The following FREM1 variants were observed in gnomAD, a reference collection of about 807,000 sequenced individuals.
FREM1 encodes FRAS1 related extracellular matrix 1.
FREM1 carries 220 observed loss-of-function variants against 210.1 expected under a neutral mutation model. The ratio of observed to expected loss-of-function variants is 1.05; its 90% CI spans 0.94 to 1.17. The LOEUF (loss-of-function observed/expected upper bound fraction) is 1.17, where lower values mean the gene tolerates loss of function less well. Among genes scored for constraint, FREM1 ranks in the 50% most tolerant of loss-of-function variants. The probability of loss-of-function intolerance (pLI) is 0.00; values close to 1 mark genes in which losing one functional copy is unlikely to be tolerated. For synonymous variants in FREM1, 1,189 were observed against 980.2 expected, an observed-to-expected ratio of 1.21 and a Z score of -3.98; for missense variants, 3,454 against 2,675.5, an observed-to-expected ratio of 1.29 and a Z score of -6.42.
intron 10 of FREM1, among the ~76,000 whole-genome samples, chr9:14,835,930 T>C (rs2818935): frequency 0.59 from 89,989 of 152,126 alleles, 26,963 homozygotes; most frequent in East Asian, 0.82. Flanking sequence ...AGACGAACCC[T>C]GCTTATTCCT....
At chr9:14,787,873 T>A (rs1850658205) in intron 23 of FREM1, among the ~76,000 whole-genome samples, 2 of 152,194 alleles carry the variant, frequency 1.3e-5, no homozygotes, top group South Asian at 4.1e-4. Flanking sequence ...ACATCTAGCT[T>A]ATCTGAAATC....
intron 18 of FREM1, among the ~76,000 whole-genome samples, chr9:14,805,530 C>T (rs749327324): frequency 8.5e-5 from 13 of 152,144 alleles, no homozygotes; most frequent in Non-Finnish European, 1.3e-4. Flanking sequence ...ACCTCCGTCA[C>T]GTAAACGCAA....
chr9:14,777,022 C>T (rs1226895810), intron 24 of FREM1, among the ~76,000 whole-genome samples: 2 of 152,186 alleles, frequency 1.3e-5, no homozygotes, highest in East Asian at 3.9e-4. Context: ...GAAGCTGAGA[C>T]TAGAATGCAG....
rs1355143821 is a variant in FREM1 at position 14,859,483 on chromosome 9, A to C, written c.331T>G (p.Phe111Val). The change falls in exon 4 of 37, where the codon TTT becomes GTT. Residue 111 changes from phenylalanine to valine, a missense_variant and splice_region_variant. Phe to Val is a conservative substitution (Grantham distance 50). Transcript: ENST00000380880. The stretch of plus-strand genomic sequence containing the variant: ...TCTATGAAGGTATCTCTTTCAGTAA[A>C]TCTGTGGAGAACACAGGGCAAAAGC... ...EDTVKLRLYR[F>V]TERDTFIETF... The C allele has an allele frequency of 3.7e-6, 6 of 1,610,332 alleles. No individual in the cohort carries two copies. The South Asian group carries it at 4.4e-5, about 12-fold the overall frequency.
chr9:14,785,692 G>C (rs970561171), intron 23 of FREM1, among the ~76,000 whole-genome samples: 2 of 5,910 alleles, frequency 3.4e-4, no homozygotes, highest in Admixed American at 3.8e-3. Flanking sequence ...GTCATGAAAA[G>C]ATATCCACTT....
chr9:14,740,862 GCTAA>G (rs879658314), intron 35 of FREM1, among the ~76,000 whole-genome samples: 7 of 152,004 alleles, frequency 4.6e-5, no homozygotes, highest in South Asian at 2.1e-4. Context: ...TATTTTTGCA[GCTAA>G]CTGAGTTATT....
chr9:14,843,128 G>A (rs1432867568), intron 8 of FREM1, among the ~76,000 whole-genome samples: 1 of 152,194 alleles, frequency 6.6e-6, no homozygotes, highest in African/African-American at 2.4e-5. Flanking sequence ...AAAAGGAAGA[G>A]GAAAGGGGAA....
chr9:14,759,986 C>T (rs546493572), intron 27 of FREM1, 85 bp from the exon 28 acceptor site: 8 of 1,135,684 alleles, frequency 7.0e-6, no homozygotes, highest in South Asian at 2.0e-5. Context: ...AGTGGAAAAA[C>T]GTGGTTGATC....
At position 14,824,605 on chromosome 9, in the gene FREM1, A is replaced by T. The variant is rs1212570233; in HGVS notation, c.2078+191T>A. ...CACTACAAGCTGCAGATCACTTACC[A>T]ACTAATACAGCTTTCAAAGGGAGAT... On this transcript the variant is annotated intron_variant, in intron 11 of 36. Coordinates refer to ENST00000380880, the MANE Select transcript of FREM1 (RefSeq NM_001379081.2). Among the ~76,000 whole-genome samples the T allele has an allele frequency of 5.9e-5, 9 of 152,212 alleles. No homozygotes were observed. In the East Asian group the frequency reaches 1.7e-3, roughly 29 times the overall value.
At chr9:14,877,835 C>T (rs114054690) in intron 1 of FREM1, among the ~76,000 whole-genome samples, 5 of 152,090 alleles carry the variant, frequency 3.3e-5, no homozygotes, top group Non-Finnish European at 7.4e-5. Flanking sequence ...ATAATCTGAC[C>T]CCAGACCAAG....
intron 8 of FREM1, among the ~76,000 whole-genome samples, chr9:14,844,903 C>T (rs1329534411): frequency 3.9e-5 from 6 of 152,200 alleles, no homozygotes; most frequent in Non-Finnish European, 5.9e-5. Context: ...TTTCAAGCCA[C>T]TACACTTGGA....
At chr9:14,831,359 T>C (rs1164980401) in intron 10 of FREM1, among the ~76,000 whole-genome samples, 1 of 152,254 alleles carries the variant, frequency 6.6e-6, no homozygotes, top group East Asian at 1.9e-4. Flanking sequence ...ATACCACTTC[T>C]CTGGCGAGCA....
chr9:14,887,697 G>T (rs891274487), intron 1 of FREM1, among the ~76,000 whole-genome samples: 6 of 151,744 alleles, frequency 4.0e-5, no homozygotes, highest in Non-Finnish European at 7.4e-5. Context: ...TTTCTACTTT[G>T]CTTATTAATG....
At chr9:14,900,275 G>A (rs148658572) in intron 1 of FREM1, among the ~76,000 whole-genome samples, 57 of 152,296 alleles carry the variant, frequency 3.7e-4, no homozygotes, top group African/African-American at 1.2e-3. Context: ...CCAGGCATCT[G>A]AATTTAAAAG....
intron 23 of FREM1, among the ~76,000 whole-genome samples, chr9:14,787,827 T>C (rs1850650119): frequency 6.6e-6 from 1 of 152,156 alleles, no homozygotes; most frequent in Non-Finnish European, 1.5e-5. Context: ...ATGATGAACA[T>C]AGTTGTTTTG....
intron 13 of FREM1, among the ~76,000 whole-genome samples, chr9:14,821,084 T>C (rs1821214428): frequency 6.6e-6 from 1 of 152,196 alleles, no homozygotes; most frequent in South Asian, 2.1e-4. Context: ...CTTGCCCAGA[T>C]CCAGTGCTCA....
chr9:14,750,780 T>C (rs10756609), intron 29 of FREM1, among the ~76,000 whole-genome samples: 54,580 of 151,950 alleles, frequency 0.36, 9,949 homozygotes, highest in Admixed American at 0.43. Flanking sequence ...CTGAGATCTT[T>C]CTAGCCCACA....
rs1825703713 is a variant in FREM1, at chr9:14,841,587, A to G, written c.1741T>C (p.Tyr581His). The change falls in exon 10 of 37, where the codon TAT becomes CAT. Residue 581 changes from tyrosine to histidine, a missense_variant and splice_region_variant. Physicochemically the swap from Tyr to His is moderately conservative, Grantham distance 83. Transcript: ENST00000380880. The part of the protein sequence containing the change: ...MKKPGPGLIG[Y>H]PVHGFLQRDL... The stretch of plus-strand genomic sequence containing the variant: ...CTCTGAAGGAAGCCATGGACAGGAT[A>G]GCCTATTGGGTCCATAAAACACCAC... 3 of 1,596,520 alleles carry G rather than the reference A, an allele frequency of 1.9e-6. No individual in the cohort carries two copies. The highest frequency in any genetic ancestry group is 1.7e-6 in the Non-Finnish European group (2 of 1,167,778).
At chr9:14,749,969 A>G (rs1287287509) in intron 30 of FREM1, among the ~76,000 whole-genome samples, 158 bp downstream of exon 30, 1 of 152,214 alleles carries the variant, frequency 6.6e-6, no homozygotes, top group African/African-American at 2.4e-5. Flanking sequence ...CATGAAGCAG[A>G]AACCAGAATA....
Sources: allele counts gnomAD v4.1 joint callset (sites outside exome capture counted in the v4.1 genomes callset), GRCh38; gene constraint gnomAD v4.1.1; transcripts MANE v1.5; gene names NCBI Gene and HGNC (gene_info 2026-07-23, HGNC 2026-07-21).